Variants in RYR2 observed in about 807,000 individuals in gnomAD.
RYR2 encodes ryanodine receptor 2.
RYR2 carries 227 observed loss-of-function variants against 601.1 expected under a neutral mutation model. The ratio of observed to expected loss-of-function variants is 0.38; its 90% CI spans 0.34 to 0.42. The LOEUF (loss-of-function observed/expected upper bound fraction) is 0.42, where lower values mean the gene tolerates loss of function less well. Among genes scored for constraint, RYR2 ranks in the 10% least tolerant of loss-of-function variants. RYR2 has a pLI of 1.00. For synonymous variants in RYR2, 2,223 were observed against 2,175.1 expected (o/e 1.02, Z -0.61); for missense variants, 4,646 against 6,156.5 (o/e 0.75, Z 8.21).
intron 1 of RYR2, among the ~76,000 whole-genome samples, chr1:237,157,318 A>AAAAG (rs1427314634): frequency 9.0e-4 from 126 of 140,768 alleles, no homozygotes; most frequent in Middle Eastern, 3.9e-3. Context: ...AAAAAAAAAA[A>AAAAG]AAAGAAAGAA....
rs560721940 is a variant in RYR2 at position 237,416,938 on chromosome 1, T to C, written c.774-111T>C. On this transcript the variant is annotated intron_variant, in intron 10 of 104. Coordinates refer to ENST00000366574, the MANE Select transcript of RYR2 (RefSeq NM_001035.3). ...TGCCAAAAAAGTATAACTTTAACTG[T>C]TTACTCACAGGCCATTTGCTTTTCT... The C allele has an allele frequency of 1.8e-5, 15 of 846,668 alleles. No individual in the cohort carries two copies. The South Asian group carries it at 2.2e-4, about 12-fold the overall frequency. 52.4% of individuals were successfully genotyped at this position (846,668 alleles called of 1,614,324 possible). A position where few individuals can be genotyped will look rare whatever the true frequency, so the allele number is the denominator to read the frequency against.
At chr1:237,252,971 C>A (rs2149279428) in intron 1 of RYR2, among the ~76,000 whole-genome samples, 1 of 152,066 alleles carries the variant, frequency 6.6e-6, no homozygotes, top group Admixed American at 6.5e-5. Flanking sequence ...TCGAGACCAG[C>A]CTGGCCAACA....
At chr1:237,639,975 G>A (rs1681299728) in intron 46 of RYR2, among the ~76,000 whole-genome samples, 1 of 151,702 alleles carries the variant, frequency 6.6e-6, no homozygotes, top group Non-Finnish European at 1.5e-5. Context: ...AGCCGGATTT[G>A]CAGACTGGGA....
chr1:237,048,588 A>G (rs1329510460), intron 1 of RYR2, among the ~76,000 whole-genome samples: 2 of 152,194 alleles, frequency 1.3e-5, no homozygotes, highest in Non-Finnish European at 1.5e-5. Context: ...TACCTTGCTT[A>G]TGCTTTTCAT....
intron 1 of RYR2, among the ~76,000 whole-genome samples, chr1:237,253,990 A>G (rs1687716532): frequency 1.3e-5 from 2 of 152,222 alleles, no homozygotes; most frequent in South Asian, 4.1e-4. Flanking sequence ...AAGCACATCT[A>G]TGAACTGATA....
intron 1 of RYR2, among the ~76,000 whole-genome samples, chr1:237,136,408 T>TCTGAGCTAC (rs1672781814): frequency 6.6e-6 from 1 of 151,956 alleles, no homozygotes; most frequent in African/African-American, 2.4e-5. Flanking sequence ...ATGCATGCTA[T>TCTGAGCTAC]GCAGGGGCCT....
intron 92 of RYR2, among the ~76,000 whole-genome samples, chr1:237,790,147 C>T (rs937166544): frequency 3.3e-5 from 5 of 152,128 alleles, no homozygotes; most frequent in African/African-American, 7.2e-5. Context: ...TAATGTCCAC[C>T]ATAACCTATT....
intron 1 of RYR2, among the ~76,000 whole-genome samples, chr1:237,265,903 T>C (rs560484926): frequency 9.8e-5 from 15 of 152,378 alleles, no homozygotes; most frequent in African/African-American, 3.1e-4. Flanking sequence ...CACCCTTTTG[T>C]TAAGTCCTTC....
intron 3 of RYR2, among the ~76,000 whole-genome samples, chr1:237,338,462 CATTA>C (rs948465111): frequency 6.6e-6 from 1 of 152,084 alleles, no homozygotes; most frequent in Non-Finnish European, 1.5e-5. Context: ...TTAACAATAA[CATTA>C]ATCAAAAATA....
At chr1:237,794,807 C>T (rs1018131176) in intron 95 of RYR2, among the ~76,000 whole-genome samples, 4 of 152,174 alleles carry the variant, frequency 2.6e-5, no homozygotes, top group African/African-American at 9.7e-5. Flanking sequence ...AATTTCTAAG[C>T]AAGTCAGTCC....
chr1:237,140,672 G>GATA (rs1558306957), intron 1 of RYR2, among the ~76,000 whole-genome samples: 1 of 152,192 alleles, frequency 6.6e-6, no homozygotes, highest in Non-Finnish European at 1.5e-5. Context: ...AAATCTTTGA[G>GATA]ATAATTTTAG....
intron 52 of RYR2, among the ~76,000 whole-genome samples, chr1:237,655,308 A>T (rs992278007): frequency 1.3e-5 from 2 of 152,198 alleles, no homozygotes; most frequent in Admixed American, 1.3e-4. Flanking sequence ...AGCTCTTCCT[A>T]TAAATTTTTA....
chr1:237,436,498 G>A (rs555000284), intron 12 of RYR2, among the ~76,000 whole-genome samples: 166 of 66,260 alleles, frequency 2.5e-3, no homozygotes, highest in African/African-American at 1.0e-2. Context: ...TCCTGGAAGG[G>A]CTAACTAAGC....
At chr1:237,685,972 G>A (rs1200827393) in intron 62 of RYR2, among the ~76,000 whole-genome samples, 1 of 152,134 alleles carries the variant, frequency 6.6e-6, no homozygotes, top group Non-Finnish European at 1.5e-5. Context: ...CATTGTTACA[G>A]AAGTGAGGGG....
chr1:237,474,379 C>T (rs1661168987), intron 17 of RYR2, among the ~76,000 whole-genome samples: 1 of 151,608 alleles, frequency 6.6e-6, no homozygotes, highest in South Asian at 2.1e-4. Context: ...GTTTTCCTGA[C>T]AACGTAATTG....
chr1:237,675,400 A>G (rs1350535210), intron 60 of RYR2, among the ~76,000 whole-genome samples: 1 of 152,152 alleles, frequency 6.6e-6, no homozygotes, highest in Non-Finnish European at 1.5e-5. Context: ...TTCAGCACAG[A>G]TGATGAAAGC....
rs138229287 is a variant in RYR2 at position 237,463,299 on chromosome 1, C to T, written c.1613-5793C>T. Among the ~76,000 whole-genome samples the T allele has an allele frequency of 5.7e-4, 87 of 152,242 alleles. No individual in the cohort carries two copies. In the East Asian group the frequency reaches 0.016, roughly 29 times the overall value. ...TGTACCTCCAGCACCTAGAACAATG[C>T]TTGACACAAAGCAGGGAATCAGTAT... On this transcript the variant is annotated intron_variant, in intron 16 of 104. Transcript: ENST00000366574.
At chr1:237,820,906 G>A in intron 101 of RYR2, among the ~76,000 whole-genome samples, 1 of 152,164 alleles carries the variant, frequency 6.6e-6, no homozygotes, top group Admixed American at 6.5e-5. Context: ...AAAGCCACTG[G>A]GAAGTTCGAA....
At chr1:237,799,548 A>T (rs1409610871) in intron 97 of RYR2, among the ~76,000 whole-genome samples, 3 of 152,196 alleles carry the variant, frequency 2.0e-5, no homozygotes, top group Non-Finnish European at 4.4e-5. Context: ...AGTACCAAGA[A>T]GTTCATATGG....
Sources: allele counts gnomAD v4.1 joint callset (sites outside exome capture counted in the v4.1 genomes callset), GRCh38; gene constraint gnomAD v4.1.1; transcripts MANE v1.5; gene names NCBI Gene and HGNC (gene_info 2026-07-23, HGNC 2026-07-21).